ANKRD44: variants seen among roughly 807,000 people sequenced by gnomAD.
ANKRD44 encodes the protein ankyrin repeat domain 44, also known as serine/threonine-protein phosphatase 6 regulatory ankyrin repeat subunit B.
In ANKRD44, 35 loss-of-function variants were observed where a neutral mutation model predicts 116.0. The ratio of observed to expected loss-of-function variants is 0.30; its 90% CI spans 0.23 to 0.40. ANKRD44 has a LOEUF of 0.40. Ranked by LOEUF, ANKRD44 falls within the 10% of genes least tolerant of loss-of-function variation. The probability of loss-of-function intolerance (pLI) is 1.00; values close to 1 mark genes in which losing one functional copy is unlikely to be tolerated. For missense variants in ANKRD44, 1,014 were observed against 1,242.6 expected (o/e 0.82, Z 2.77); for synonymous variants, 435 against 461.8 (o/e 0.94, Z 0.74).
At chr2:197,294,707 AT>A (rs1406853279) in intron 1 of ANKRD44, among the ~76,000 whole-genome samples, 1 of 152,214 alleles carries the variant, frequency 6.6e-6, no homozygotes, top group African/African-American at 2.4e-5. Context: ...TTTAAGATTT[AT>A]TTTTAATTGT....
At chr2:196,998,250 T>C in intron 25 of ANKRD44, 87 bp downstream of exon 25, 2 of 1,007,232 alleles carry the variant, frequency 2.0e-6, no homozygotes, top group South Asian at 1.5e-5. Context: ...AGAGCCATGC[T>C]ACACAGTTCC....
rs117245538 is a variant in ANKRD44 at position 197,292,659 on chromosome 2, T to C, written c.27+17919A>G. ...GGAATACATAGCGTATAAAAATCTTTTGGTGGTAGGGGTTGGGGATAAAAA... is the reference window on the plus strand; with the variant it reads ...GGAATACATAGCGTATAAAAATCTTCTGGTGGTAGGGGTTGGGGATAAAAA... On this transcript the variant is annotated intron_variant, in intron 1 of 27. Transcript: ENST00000282272. Among the ~76,000 whole-genome samples, 282 of 152,286 alleles carry C rather than the reference T, an allele frequency of 1.9e-3. 4 individuals carry two copies. The highest frequency in any genetic ancestry group is 0.012 in the Admixed American group (187 of 15,280).
chr2:197,060,986 C>T (rs1335539429), intron 16 of ANKRD44, among the ~76,000 whole-genome samples: 1 of 152,146 alleles, frequency 6.6e-6, no homozygotes, highest in African/African-American at 2.4e-5. Context: ...CTGCAGTGAA[C>T]ATGAGAGTGT....
At position 197,161,610 on chromosome 2, in the gene ANKRD44, T is replaced by G. The variant is rs142185255; in HGVS notation, c.112-14505A>C. Reference sequence around the variant, plus strand: ...TGCATTCCATGGATGGATTAAACACTAATATATATTTGGATGGTTTGCTTG... The same window carrying G: ...TGCATTCCATGGATGGATTAAACACGAATATATATTTGGATGGTTTGCTTG... On this transcript the variant is annotated intron_variant, in intron 2 of 27. Coordinates refer to ENST00000282272, the MANE Select transcript of ANKRD44 (RefSeq NM_001195144.2). 2.2e-3 allele frequency among the ~76,000 whole-genome samples: 329 copies of G among 152,322 alleles called. 3 individuals are homozygous for G. The highest frequency in any genetic ancestry group is 7.4e-3 in the African/African-American group (306 of 41,570).
intron 3 of ANKRD44, among the ~76,000 whole-genome samples, chr2:197,146,043 G>A (rs2079492932): frequency 6.6e-6 from 1 of 152,076 alleles, no homozygotes; most frequent in Admixed American, 6.5e-5. Context: ...TAATGGTTTT[G>A]GAAACCTGTT....
chr2:196,995,063 C>T, intron 26 of ANKRD44: 1 of 189,060 alleles, frequency 5.3e-6, no homozygotes, highest in Non-Finnish European at 1.1e-5. Flanking sequence ...AATAGTTTCC[C>T]CAAATATGTC....
intron 2 of ANKRD44, among the ~76,000 whole-genome samples, chr2:197,151,081 C>G (rs1456021396): frequency 7.5e-6 from 1 of 132,764 alleles, no homozygotes; most frequent in Middle Eastern, 4.2e-3. Context: ...TGGGAATTTA[C>G]TTTTTTTTTT....
At chr2:197,108,178 T>G (rs140403898) in intron 9 of ANKRD44, among the ~76,000 whole-genome samples, 6 of 152,282 alleles carry the variant, frequency 3.9e-5, no homozygotes, top group African/African-American at 1.4e-4. Context: ...TCCCTATTCC[T>G]CAACATACTG....
At chr2:197,276,446 C>T (rs949983334) in intron 1 of ANKRD44, among the ~76,000 whole-genome samples, 4 of 151,804 alleles carry the variant, frequency 2.6e-5, no homozygotes, top group Non-Finnish European at 5.9e-5. Flanking sequence ...TAGTGATAAA[C>T]AAGAAAAGAC....
intron 1 of ANKRD44, among the ~76,000 whole-genome samples, chr2:197,248,570 G>GTATATATATATATATATATA (rs2082244442): frequency 1.8e-5 from 2 of 113,406 alleles, no homozygotes; most frequent in African/African-American, 6.0e-5. Context: ...GTGTGTGTGT[G>GTATATATATATATATATATA]TGTGTGTGTA....
chr2:197,037,340 T>C (rs943962685), intron 16 of ANKRD44, among the ~76,000 whole-genome samples: 19 of 152,364 alleles, frequency 1.2e-4, no homozygotes, highest in South Asian at 1.0e-3. Context: ...AAGGGGTTGA[T>C]GTTTTTATGA....
chr2:197,091,457 G>T (rs756724482), intron 10 of ANKRD44, among the ~76,000 whole-genome samples: 2 of 152,200 alleles, frequency 1.3e-5, no homozygotes, highest in African/African-American at 2.4e-5. Flanking sequence ...GGGCTCAGGT[G>T]ATCCTCCCAC....
At chr2:197,013,405 A>C (rs2076332922) in intron 18 of ANKRD44, 106 bp downstream of exon 18, 1 of 1,285,358 alleles carries the variant, frequency 7.8e-7, no homozygotes, top group Admixed American at 2.1e-5. Flanking sequence ...GTGGAAAGAA[A>C]ATTGATATTT....
intron 1 of ANKRD44, among the ~76,000 whole-genome samples, chr2:197,211,048 C>T (rs1055256104): frequency 1.3e-5 from 2 of 152,154 alleles, no homozygotes; most frequent in Non-Finnish European, 2.9e-5. Context: ...GGACCCCCTG[C>T]CTCTTCTCTA....
rs765345992 is a variant in ANKRD44 at position 197,013,705 on chromosome 2, T to G, written c.1730A>C (p.Asn577Thr). The change falls in exon 18 of 28, where the codon AAT becomes ACT. Residue 577 changes from asparagine (N) to threonine (T), a missense_variant. By Grantham distance (65) the Asn-to-Thr change is moderately conservative. Transcript: ENST00000282272. ...TKSPLHLAAY[N>T]GHHQALEVLL... ...GACTTCCAAGGCTTGATGGTGCCCA[T>G]TGTAGGCCTGCAAAGAAGAAACCAA... 8 of 1,612,674 alleles carry G rather than the reference T, an allele frequency of 5.0e-6. No homozygotes were observed. The highest frequency in any genetic ancestry group is 6.8e-6 in the Non-Finnish European group (8 of 1,180,018).
At chr2:197,183,751 T>A (rs2080576273) in intron 2 of ANKRD44, among the ~76,000 whole-genome samples, 1 of 152,048 alleles carries the variant, frequency 6.6e-6, no homozygotes, top group Non-Finnish European at 1.5e-5. Flanking sequence ...ACCTAAGAAC[T>A]CAGGCCCTCC....
At chr2:197,169,041 T>A (rs1316039805) in intron 2 of ANKRD44, among the ~76,000 whole-genome samples, 1 of 152,170 alleles carries the variant, frequency 6.6e-6, no homozygotes, top group Non-Finnish European at 1.5e-5. Context: ...CTCGCTCAGC[T>A]CTGATGACCG....
chr2:196,999,737 G>A (rs2076080599), intron 23 of ANKRD44, among the ~76,000 whole-genome samples: 1 of 152,004 alleles, frequency 6.6e-6, no homozygotes, highest in Admixed American at 6.6e-5. Flanking sequence ...GGGACTACAG[G>A]CGCCTGCCAC....
chr2:197,177,392 T>C (rs2080391057), intron 2 of ANKRD44, among the ~76,000 whole-genome samples: 1 of 152,130 alleles, frequency 6.6e-6, no homozygotes, highest in South Asian at 2.1e-4. Context: ...GTCCAGCTAA[T>C]CCCATGAGAA....
Sources: gnomAD v4.1 joint callset for allele counts (sites outside exome capture counted in the v4.1 genomes callset) on GRCh38, gnomAD v4.1.1 for gene constraint, MANE v1.5 for transcripts, NCBI Gene and HGNC (gene_info 2026-07-23, HGNC 2026-07-21) for gene names.